Variants in DTNA observed in about 807,000 individuals in gnomAD.
The protein encoded by DTNA is dystrobrevin alpha, also known as dystrophin-related protein 3.
A neutral mutation model predicts 100.7 loss-of-function variants in DTNA; 43 were observed. That is an observed-to-expected ratio of 0.43 (90% CI 0.33 to 0.55). The LOEUF is 0.55. DTNA is among the 20% of genes least tolerant of loss of function. The probability of loss-of-function intolerance (pLI) is 0.04; values close to 1 mark genes in which losing one functional copy is unlikely to be tolerated. For missense variants in DTNA, 798 were observed against 953.9 expected, an observed-to-expected ratio of 0.84 and a Z score of 2.15; for synonymous variants, 349 against 347.9, an observed-to-expected ratio of 1.00 and a Z score of -0.04.
intron 1 of DTNA, among the ~76,000 whole-genome samples, chr18:34,603,030 AT>A (rs1188335762): frequency 6.6e-6 from 1 of 151,322 alleles, no homozygotes; most frequent in Non-Finnish European, 1.5e-5. Flanking sequence ...TAAAAAATAA[AT>A]TTAATTTAAT....
intron 1 of DTNA, among the ~76,000 whole-genome samples, chr18:34,659,844 C>T (rs905802350): frequency 1.3e-5 from 2 of 152,216 alleles, no homozygotes; most frequent in African/African-American, 4.8e-5. Context: ...GCCCCGCTGC[C>T]AGTGGTGATT....
At chr18:34,701,413 A>G (rs752145288) in intron 1 of DTNA, among the ~76,000 whole-genome samples, 16 of 152,142 alleles carry the variant, frequency 1.1e-4, no homozygotes, top group Non-Finnish European at 1.9e-4. Flanking sequence ...TCAAGTCCAT[A>G]GAAGCACGCT....
intron 5 of DTNA, among the ~76,000 whole-genome samples, chr18:34,811,300 T>G (rs572272184): frequency 1.6e-4 from 25 of 152,300 alleles, no homozygotes; most frequent in African/African-American, 6.0e-4. Context: ...TGACTTTACC[T>G]CATTGATCAT....
In DTNA at chr18:34,817,884, G is replaced by A. The variant is rs2095631329; in HGVS notation, c.710-280G>A. The A allele has an allele frequency of 7.7e-6, 9 of 1,170,796 alleles. No homozygotes were observed. The South Asian group carries it at 1.1e-4, about 15-fold the overall frequency. The allele number at this position is 1,170,796 out of a possible 1,614,324, so 72.5% of individuals were successfully genotyped here. ...TTTGGCTAATTTAAATTCTTGTAAT[G>A]TGAGAGATGGGAATAGAAAGAGCAA... On this transcript the variant is annotated intron_variant, in intron 7 of 22. Transcript: ENST00000444659.
intron 16 of DTNA, among the ~76,000 whole-genome samples, chr18:34,860,222 T>A (rs113456660): frequency 0.06 from 4,291 of 71,916 alleles, 95 homozygotes; most frequent in African/African-American, 0.13. Context: ...AATTTTTTGT[T>A]TTTTTTTTTT....
In DTNA at chr18:34,888,029, AC is replaced by A. The variant is rs1461550927; in HGVS notation, c.*296del. 1.0e-6 allele frequency: 1 copy of A among 985,786 alleles called. No homozygotes were observed. The highest frequency in any genetic ancestry group is 1.2e-6 in the Non-Finnish European group (1 of 829,966). 61.1% of individuals were successfully genotyped at this position (985,786 alleles called of 1,614,324 possible). ...AAAAAAAGACTTCTGTTCAAAGTTA[AC>A]TTATCAGCTACATCCTCTGTAACGT... On this transcript the variant is annotated 3_prime_UTR_variant, in exon 23 of 23. Transcript: ENST00000444659.
chr18:34,597,226 C>A (rs1378393279), intron 1 of DTNA, among the ~76,000 whole-genome samples: 2 of 152,130 alleles, frequency 1.3e-5, no homozygotes, highest in Non-Finnish European at 2.9e-5. Context: ...CCCTAGCTGG[C>A]CCCTTTCCTT....
At chr18:34,641,657 A>G (rs757262102) in intron 1 of DTNA, among the ~76,000 whole-genome samples, 24 of 152,242 alleles carry the variant, frequency 1.6e-4, no homozygotes, top group Non-Finnish European at 3.4e-4. Flanking sequence ...TATCCCTCCT[A>G]TTGAATATCA....
chr18:34,506,560 A>G (rs1277598869), intron 1 of DTNA, among the ~76,000 whole-genome samples: 2 of 152,104 alleles, frequency 1.3e-5, no homozygotes, highest in Non-Finnish European at 1.5e-5. Flanking sequence ...TAGAGCAGTT[A>G]TTGCCTAAAT....
intron 3 of DTNA, among the ~76,000 whole-genome samples, chr18:34,769,386 G>A (rs2093646099): frequency 6.6e-6 from 1 of 152,136 alleles, no homozygotes; most frequent in Admixed American, 6.5e-5. Flanking sequence ...TCGCTGATTA[G>A]AGGAAAGTAA....
chr18:34,630,469 C>T (rs1393503614), intron 1 of DTNA, among the ~76,000 whole-genome samples: 3 of 151,874 alleles, frequency 2.0e-5, no homozygotes, highest in Non-Finnish European at 2.9e-5. Context: ...GGTTAGTCAG[C>T]GATAAGAAAA....
intron 1 of DTNA, among the ~76,000 whole-genome samples, chr18:34,539,823 A>G (rs1364725954): frequency 2.0e-5 from 3 of 151,912 alleles, no homozygotes; most frequent in Admixed American, 2.0e-4. Context: ...TTCAGTTGCA[A>G]TATATAAGCA....
chr18:34,713,984 G>C (rs2083424630), intron 1 of DTNA, among the ~76,000 whole-genome samples: 2 of 151,946 alleles, frequency 1.3e-5, no homozygotes, highest in South Asian at 4.2e-4. Flanking sequence ...AATGGGGAAA[G>C]GATTCCCTAT....
At chr18:34,502,059 C>T (rs748482080) in intron 1 of DTNA, among the ~76,000 whole-genome samples, 14 of 152,150 alleles carry the variant, frequency 9.2e-5, no homozygotes, top group South Asian at 2.1e-4. Context: ...ATTTGTGGGA[C>T]GACACAGTAA....
chr18:34,693,890 T>C (rs2080143064), intron 1 of DTNA, among the ~76,000 whole-genome samples: 1 of 152,110 alleles, frequency 6.6e-6, no homozygotes. Context: ...CTAAAGTGAT[T>C]AGAACATATT....
intron 1 of DTNA, among the ~76,000 whole-genome samples, chr18:34,684,978 C>T (rs2078671457): frequency 6.6e-6 from 1 of 152,166 alleles, no homozygotes. Flanking sequence ...ATCACTTGCC[C>T]ACTTTTTGAT....
intron 1 of DTNA, among the ~76,000 whole-genome samples, chr18:34,496,223 C>CACACACAT (rs1324643802): frequency 6.6e-6 from 1 of 151,714 alleles, no homozygotes; most frequent in Non-Finnish European, 1.5e-5. Context: ...CACACACACA[C>CACACACAT]ACACACACAC....
intron 1 of DTNA, among the ~76,000 whole-genome samples, chr18:34,651,268 C>T (rs1380910374): frequency 6.6e-6 from 1 of 152,144 alleles, no homozygotes; most frequent in Non-Finnish European, 1.5e-5. Flanking sequence ...ATATCATTTA[C>T]TTATTAGCAA....
At chr18:34,662,416 G>A (rs2075328202) in intron 1 of DTNA, among the ~76,000 whole-genome samples, 1 of 152,088 alleles carries the variant, frequency 6.6e-6, no homozygotes, top group Non-Finnish European at 1.5e-5. Flanking sequence ...TAAGGGACTG[G>A]GCGATCCTGG....
Sources: allele counts gnomAD v4.1 joint callset (sites outside exome capture counted in the v4.1 genomes callset), GRCh38; gene constraint gnomAD v4.1.1; transcripts MANE v1.5; gene names NCBI Gene and HGNC (gene_info 2026-07-23, HGNC 2026-07-21).